The following FAXC variants were observed in gnomAD, a reference collection of about 807,000 sequenced individuals.
FAXC encodes the protein failed axon connections homolog, metaxin like GST domain containing, also known as failed axon connections homolog.
Under a neutral mutation model 41.9 loss-of-function variants are expected in FAXC, and 10 were observed. That is an observed-to-expected ratio of 0.24 (90% confidence interval 0.15 to 0.41). The LOEUF is 0.41. Among genes scored for constraint, FAXC ranks in the 10% least tolerant of loss-of-function variants. The pLI, the probability that FAXC is intolerant of heterozygous loss-of-function variation, is 1.00. For missense variants in FAXC, 399 were observed against 510.9 expected, an observed-to-expected ratio of 0.78 and a Z score of 2.11; for synonymous variants, 183 against 183.8, an observed-to-expected ratio of 1.00 and a Z score of 0.03.
rs1435750657 is a variant in FAXC at position 99,276,158 on chromosome 6, A to G, written c.*5006T>C. 2 of 152,104 alleles carry G rather than the reference A, an allele frequency of 1.3e-5. No homozygotes were observed. The highest frequency in any genetic ancestry group is 6.5e-5 in the Admixed American group (1 of 15,270). 9.4% of individuals were successfully genotyped at this position (152,104 alleles called of 1,614,324 possible). A position where few individuals can be genotyped will look rare whatever the true frequency, so the allele number is the denominator to read the frequency against. ...TAACATACTCTGTTTAAAAAAAAAA[A>G]AAACCCTAAAAGAAAGAAAGAAGAA... On this transcript the variant is annotated 3_prime_UTR_variant, in exon 6 of 6. Coordinates refer to ENST00000389677, the MANE Select transcript of FAXC (RefSeq NM_032511.4).
intron 2 of FAXC, among the ~76,000 whole-genome samples, chr6:99,337,124 G>A (rs1773244728): frequency 6.6e-6 from 1 of 152,114 alleles, no homozygotes; most frequent in African/African-American, 2.4e-5. Context: ...CTTTAAAATG[G>A]TTTACCAAAA....
At chr6:99,293,686 G>A (rs1379161519) in intron 4 of FAXC, among the ~76,000 whole-genome samples, 1 of 136,934 alleles carries the variant, frequency 7.3e-6, no homozygotes, top group East Asian at 2.0e-4. Context: ...GTGTGTGTGT[G>A]TGTGTGTGTG....
chr6:99,341,269 T>A (rs372779251), intron 2 of FAXC, among the ~76,000 whole-genome samples: 2 of 152,112 alleles, frequency 1.3e-5, no homozygotes, highest in East Asian at 3.8e-4. Context: ...TTAAATAAGA[T>A]ATTAGAAATA....
chr6:99,307,171 G>A (rs1369530687), intron 4 of FAXC, among the ~76,000 whole-genome samples: 1 of 152,140 alleles, frequency 6.6e-6, no homozygotes, highest in Non-Finnish European at 1.5e-5. Context: ...ACCCTTTCAA[G>A]AGCCAACTAG....
At position 99,273,241 on chromosome 6, in the gene FAXC, T is replaced by A. The variant is rs1369965580; in HGVS notation, c.*7923A>T. ...CCGCCCATTAGCCCCGAAATGTGGG[T>A]TCAAATTATGCCAACATTGGCCCTT... On this transcript the variant is annotated 3_prime_UTR_variant, in exon 6 of 6. Transcript: ENST00000389677. 1 of 151,992 alleles carries A rather than the reference T, an allele frequency of 6.6e-6. No homozygotes were observed. The highest frequency in any genetic ancestry group is 1.5e-5 in the Non-Finnish European group (1 of 68,022). 9.4% of individuals were successfully genotyped at this position (151,992 alleles called of 1,614,324 possible). A position where few individuals can be genotyped will look rare whatever the true frequency, so the allele number is the denominator to read the frequency against.
At chr6:99,325,398 C>T (rs1290759232) in intron 3 of FAXC, among the ~76,000 whole-genome samples, 1 of 152,172 alleles carries the variant, frequency 6.6e-6, no homozygotes, top group Non-Finnish European at 1.5e-5. Context: ...CCTTTTTAAA[C>T]GAATGCCCAT....
chr6:99,271,699 T>C lies in FAXC; in HGVS notation c.*9465A>G, dbSNP rs1405113368. ...AGAGATACTCAATCAGTATTATCACTGAAATGGGAAATTAGGGGGTTCTCT... is the reference window on the plus strand; with the variant it reads ...AGAGATACTCAATCAGTATTATCACCGAAATGGGAAATTAGGGGGTTCTCT... On this transcript the variant is annotated 3_prime_UTR_variant, in exon 6 of 6. Coordinates refer to ENST00000389677, the MANE Select transcript of FAXC (RefSeq NM_032511.4). The C allele has an allele frequency of 2.0e-5, 3 of 152,248 alleles. No homozygotes were observed. The highest frequency in any genetic ancestry group is 4.4e-5 in the Non-Finnish European group (3 of 68,040). 9.4% of individuals were successfully genotyped at this position (152,248 alleles called of 1,614,324 possible). A position where few individuals can be genotyped will look rare whatever the true frequency, so the allele number is the denominator to read the frequency against.
rs1582620168 is a variant in FAXC at position 99,288,908 on chromosome 6, C to T, written c.940+2796G>A. 2.2e-5 allele frequency among the ~76,000 whole-genome samples: 3 copies of T among 135,356 alleles called. No individual in the cohort carries two copies. The South Asian group carries it at 7.0e-4, about 32-fold the overall frequency. The allele number at this position is 135,356 out of a possible 152,430, so 88.8% of individuals were successfully genotyped here. On this transcript the variant is annotated intron_variant, in intron 5 of 5. Coordinates refer to ENST00000389677, the MANE Select transcript of FAXC (RefSeq NM_032511.4). ...CACAGAGCTGCAGGCTCCACCACTT[C>T]CCCACCCATCTACATGACCACCACA...
chr6:99,312,760 G>GA (rs1490353996), intron 4 of FAXC, among the ~76,000 whole-genome samples: 1 of 151,742 alleles, frequency 6.6e-6, no homozygotes, highest in Non-Finnish European at 1.5e-5. Flanking sequence ...ATTTTCCTAG[G>GA]AAAAAAATCC....
chr6:99,342,239 G>A (rs896353319), intron 2 of FAXC, among the ~76,000 whole-genome samples: 18 of 152,098 alleles, frequency 1.2e-4, no homozygotes, highest in African/African-American at 3.6e-4. Flanking sequence ...GACAAAATAC[G>A]ATGCTGTCAA....
intron 4 of FAXC, among the ~76,000 whole-genome samples, chr6:99,297,774 C>T (rs768027496): frequency 6.6e-5 from 10 of 152,182 alleles, no homozygotes; most frequent in Non-Finnish European, 1.5e-4. Context: ...CAAATAACTC[C>T]GGCTATCTAA....
chr6:99,299,670 G>A (rs182059778), intron 4 of FAXC, among the ~76,000 whole-genome samples: 1 of 152,220 alleles, frequency 6.6e-6, no homozygotes, highest in Admixed American at 6.5e-5. Flanking sequence ...GCATCAAAGA[G>A]CACACACTTA....
intron 3 of FAXC, among the ~76,000 whole-genome samples, chr6:99,325,462 G>A (rs1180185737): frequency 2.0e-5 from 3 of 152,146 alleles, no homozygotes; most frequent in Non-Finnish European, 2.9e-5. Context: ...TCAAAATAAA[G>A]TACTGAAGAA....
At chr6:99,318,939 A>G (rs1168037778) in intron 4 of FAXC, among the ~76,000 whole-genome samples, 1 of 152,034 alleles carries the variant, frequency 6.6e-6, no homozygotes, top group Non-Finnish European at 1.5e-5. Flanking sequence ...TTTGATTTTC[A>G]TGTCTTCTTT....
chr6:99,305,726 T>TA (rs1562163086), intron 4 of FAXC, among the ~76,000 whole-genome samples: 2 of 120,290 alleles, frequency 1.7e-5, no homozygotes, highest in African/African-American at 6.4e-5. Context: ...ATATATATAT[T>TA]ATATATAGTT....
chr6:99,292,532 C>A (rs1582625804), intron 4 of FAXC, among the ~76,000 whole-genome samples: 1 of 152,336 alleles, frequency 6.6e-6, no homozygotes, highest in Admixed American at 6.5e-5. Flanking sequence ...CCCAAGTCAT[C>A]TCCCAGGCTA....
chr6:99,297,610 A>G (rs1331713849), intron 4 of FAXC, among the ~76,000 whole-genome samples: 1 of 152,162 alleles, frequency 6.6e-6, no homozygotes, highest in Non-Finnish European at 1.5e-5. Flanking sequence ...CTGTTTGCTC[A>G]CTGCCTGGCT....
chr6:99,319,398 C>CAAA (rs57370118), intron 4 of FAXC, among the ~76,000 whole-genome samples: 25 of 47,486 alleles, frequency 5.3e-4, no homozygotes, highest in Non-Finnish European at 7.2e-4. Flanking sequence ...GACTCCGTCT[C>CAAA]AAAAAAAAAA....
In FAXC at chr6:99,281,323, C is replaced by G. The variant is rs1466709684; in HGVS notation, c.1071G>C (p.Pro357=). 6 of 1,614,160 alleles carry G rather than the reference C, an allele frequency of 3.7e-6. No individual in the cohort carries two copies. The highest frequency in any genetic ancestry group is 5.1e-6 in the Non-Finnish European group (6 of 1,180,022). ...TTGAGTAAAAGCTAAAATCCAGCAG[C>G]GGGGTGTGGGTTTTGCTGCCTTCGC... is the stretch of plus-strand genomic sequence containing the variant. ...ESSEGSKTHT[P]LLDFSFYSRT... The change falls in exon 6 of 6, where the codon CCG becomes CCC. Residue 357 remains proline (P), a synonymous_variant. Coordinates refer to ENST00000389677, the MANE Select transcript of FAXC (RefSeq NM_032511.4).
Sources: gnomAD v4.1 joint callset for allele counts (sites outside exome capture counted in the v4.1 genomes callset) on GRCh38, gnomAD v4.1.1 for gene constraint, MANE v1.5 for transcripts, NCBI Gene and HGNC (gene_info 2026-07-23, HGNC 2026-07-21) for gene names.